TUSC3: variants seen among roughly 807,000 people sequenced by gnomAD.
TUSC3 encodes the protein tumor suppressor candidate 3, also known as dolichyl-diphosphooligosaccharide--protein glycosyltransferase subunit TUSC3.
TUSC3 carries 45 observed loss-of-function variants against 44.8 expected under a neutral mutation model. The ratio of observed to expected loss-of-function variants is 1.00; its 90% CI spans 0.79 to 1.29. TUSC3 has a LOEUF of 1.29. Ranked by LOEUF, TUSC3 falls within the 50% of genes most tolerant of loss-of-function variation. The probability of loss-of-function intolerance (pLI) is 0.00; values close to 1 mark genes in which losing one functional copy is unlikely to be tolerated. For missense variants in TUSC3, 519 were observed against 437.9 expected (o/e 1.19, Z -1.65); for synonymous variants, 212 against 152.9 (o/e 1.39, Z -2.85).
intron 2 of TUSC3, among the ~76,000 whole-genome samples, chr8:15,496,146 C>T (rs1426892428): frequency 6.6e-6 from 1 of 152,186 alleles, no homozygotes; most frequent in Non-Finnish European, 1.5e-5. Flanking sequence ...ATACCATGTT[C>T]TATACGTCCT....
rs540988364 is a variant in TUSC3, at chr8:15,702,718, G to C, written c.799-27948G>C. ...GATGCATTCTGAACAGGGAGGAGTG[G>C]AAGTATTACCTTTTTTTCTGTGTAC... is the stretch of plus-strand genomic sequence containing the variant. On this transcript the variant is annotated intron_variant, in intron 6 of 10. Transcript: ENST00000503731. Among the ~76,000 whole-genome samples, 5 of 152,198 alleles carry C rather than the reference G, an allele frequency of 3.3e-5. No individual in the cohort carries two copies. In the East Asian group the frequency reaches 9.7e-4, roughly 29 times the overall value.
intron 2 of TUSC3, among the ~76,000 whole-genome samples, chr8:15,492,842 G>C (rs917868332): frequency 6.6e-6 from 1 of 151,230 alleles, no homozygotes; most frequent in Non-Finnish European, 1.5e-5. Context: ...TTTTATCTTT[G>C]CATATATAGA....
intron 1 of TUSC3, among the ~76,000 whole-genome samples, chr8:15,611,559 A>G (rs1418538178): frequency 6.6e-6 from 1 of 152,180 alleles, no homozygotes; most frequent in Admixed American, 6.5e-5. Flanking sequence ...TAGAGAGACC[A>G]TGATTTGCTG....
At chr8:15,651,549 A>C (rs1806904621) in intron 3 of TUSC3, among the ~76,000 whole-genome samples, 1 of 152,220 alleles carries the variant, frequency 6.6e-6, no homozygotes, top group South Asian at 2.1e-4. Context: ...TGTCCATATA[A>C]GACGAGGAAT....
At chr8:15,421,956 T>C (rs896866185) in intron 1 of TUSC3, among the ~76,000 whole-genome samples, 1 of 152,204 alleles carries the variant, frequency 6.6e-6, no homozygotes, top group African/African-American at 2.4e-5. Context: ...CTGTCTTCTC[T>C]AGGAGCCAGT....
At chr8:15,829,552 C>T in the TUSC3 span, among the ~76,000 whole-genome samples, 102 of 152,168 alleles carry the variant, frequency 6.7e-4, no homozygotes, top group African/African-American at 2.3e-3. Flanking sequence ...AAAGGTCTCT[C>T]TCAATTTTCC....
At chr8:15,652,956 A>G (rs1179218500) in intron 3 of TUSC3, among the ~76,000 whole-genome samples, 1 of 152,198 alleles carries the variant, frequency 6.6e-6, no homozygotes, top group Non-Finnish European at 1.5e-5. Flanking sequence ...TACCTGATGT[A>G]CTAAGTACAT....
chr8:15,769,234 G>C (rs934416725), downstream of TUSC3, among the ~76,000 whole-genome samples: 3 of 152,062 alleles, frequency 2.0e-5, no homozygotes, highest in African/African-American at 7.2e-5. Context: ...CAGATATATA[G>C]ACCAATGGAA....
chr8:15,555,730 A>C (rs1410512803), intron 1 of TUSC3, among the ~76,000 whole-genome samples: 3 of 151,662 alleles, frequency 2.0e-5, no homozygotes, highest in African/African-American at 7.2e-5. Flanking sequence ...TAACTGTTGG[A>C]ATATTGCATG....
chr8:15,449,594 C>T (rs1439849802), intron 1 of TUSC3, among the ~76,000 whole-genome samples: 1 of 152,082 alleles, frequency 6.6e-6, no homozygotes, highest in African/African-American at 2.4e-5. Flanking sequence ...GGGAAAAAGC[C>T]TAATGGAGGT....
At chr8:15,672,497 C>T (rs566920045) in intron 5 of TUSC3, among the ~76,000 whole-genome samples, 1 of 152,108 alleles carries the variant, frequency 6.6e-6, no homozygotes, top group South Asian at 2.1e-4. Context: ...AATGGACTTG[C>T]TCAAGGTTGC....
At chr8:15,787,371 G>T in the TUSC3 span, among the ~76,000 whole-genome samples, 1 of 152,140 alleles carries the variant, frequency 6.6e-6, no homozygotes. Context: ...AATATAAAAT[G>T]CAATGAAAAT....
chr8:15,791,633 A>G, the TUSC3 span, among the ~76,000 whole-genome samples: 2 of 152,164 alleles, frequency 1.3e-5, no homozygotes, highest in African/African-American at 4.8e-5. Flanking sequence ...CATCATTGCC[A>G]ATGCTCAAAT....
chr8:15,738,578 C>T (rs918245), intron 7 of TUSC3, among the ~76,000 whole-genome samples: 128,642 of 152,072 alleles, frequency 0.85, 54,657 homozygotes, highest in Non-Finnish European at 0.87. Context: ...CTGGAAAATA[C>T]GTGTGACTCT....
the TUSC3 span, among the ~76,000 whole-genome samples, chr8:15,792,592 C>T: frequency 6.6e-6 from 1 of 152,032 alleles, no homozygotes; most frequent in Admixed American, 6.6e-5. Context: ...TGTATACCTA[C>T]TATTTCTTTT....
chr8:15,724,151 G>T (rs1399513149), intron 6 of TUSC3, among the ~76,000 whole-genome samples: 1 of 152,160 alleles, frequency 6.6e-6, no homozygotes, highest in Non-Finnish European at 1.5e-5. Context: ...GGTCATGTGA[G>T]CACACAGTGA....
intron 1 of TUSC3, among the ~76,000 whole-genome samples, chr8:15,581,601 C>A (rs141362929): frequency 0.41 from 61,147 of 148,324 alleles, 14,319 homozygotes; most frequent in Non-Finnish European, 0.52. Flanking sequence ...TGTGCCCCTG[C>A]TGCGGGGTGC....
intron 2 of TUSC3, among the ~76,000 whole-genome samples, chr8:15,649,115 T>C (rs1386843251): frequency 6.6e-6 from 1 of 152,216 alleles, no homozygotes; most frequent in Non-Finnish European, 1.5e-5. Flanking sequence ...TAGTTACAGT[T>C]ACACTTCCAT....
intron 2 of TUSC3, among the ~76,000 whole-genome samples, chr8:15,623,996 C>G (rs1032368086): frequency 6.6e-6 from 1 of 152,078 alleles, no homozygotes; most frequent in Non-Finnish European, 1.5e-5. Context: ...CCTCTGACCT[C>G]TGGCAATCAC....
Sources: gnomAD v4.1 joint callset for allele counts (sites outside exome capture counted in the v4.1 genomes callset) on GRCh38, gnomAD v4.1.1 for gene constraint, MANE v1.5 for transcripts, NCBI Gene and HGNC (gene_info 2026-07-23, HGNC 2026-07-21) for gene names.